Variants in ZNF362 observed in about 807,000 individuals in gnomAD.
The protein encoded by ZNF362 is zinc finger protein 362, also known as rotund homolog.
A neutral mutation model predicts 42.9 loss-of-function variants in ZNF362; 11 were observed. The observed-to-expected ratio is 0.26, with a 90% CI of 0.16 to 0.42. The LOEUF is 0.42. ZNF362 is among the 20% of genes least tolerant of loss of function. The pLI, the probability that ZNF362 is intolerant of heterozygous loss-of-function variation, is 1.00. For missense variants in ZNF362, 362 were observed against 576.2 expected (o/e 0.63, Z 3.81); for synonymous variants, 255 against 257.3 (o/e 0.99, Z 0.09).
chr1:33,227,204 A>G, the ZNF362 span, among the ~76,000 whole-genome samples: 2 of 152,188 alleles, frequency 1.3e-5, no homozygotes, highest in African/African-American at 4.8e-5. Context: ...ATATCTCAAT[A>G]AAACTGTTAC....
At chr1:33,167,603 A>G in the ZNF362 span, among the ~76,000 whole-genome samples, 4 of 152,286 alleles carry the variant, frequency 2.6e-5, no homozygotes, top group East Asian at 7.7e-4. The surrounding 1 kb of genome is among the most constrained non-coding windows in gnomAD (Gnocchi z 4.2). Context: ...ATGGGACTCA[A>G]TGACGCTTGC....
chr1:33,130,838 T>G, the ZNF362 span, among the ~76,000 whole-genome samples: 2 of 152,122 alleles, frequency 1.3e-5, no homozygotes, highest in Non-Finnish European at 2.9e-5. Context: ...AGAACCTGAA[T>G]TGTGCAGTGG....
the ZNF362 span, among the ~76,000 whole-genome samples, chr1:33,143,686 C>T: frequency 6.6e-6 from 1 of 152,238 alleles, no homozygotes; most frequent in Non-Finnish European, 1.5e-5. Flanking sequence ...TGCAGCCTAA[C>T]CTCCCTCATT....
chr1:33,188,547 C>G, the ZNF362 span, among the ~76,000 whole-genome samples: 1 of 152,202 alleles, frequency 6.6e-6, no homozygotes. Flanking sequence ...CACAGCACCT[C>G]CAGGGTGGTT....
At position 33,294,894 on chromosome 1, in the gene ZNF362, G is replaced by T. The variant is rs754979154; in HGVS notation, c.909-43G>T. 3.7e-6 allele frequency: 6 copies of T among 1,609,910 alleles called. No homozygotes were observed. The highest frequency in any genetic ancestry group is 3.3e-5 in the Admixed American group (2 of 59,976). The stretch of plus-strand genomic sequence containing the variant: ...ACTTGGGAACTGGAGCGGTCTTGGG[G>T]TGTGTGTCAGGGACTTCGACCTTAC... On this transcript the variant is annotated intron_variant, in intron 6 of 8. Coordinates refer to ENST00000539719, the MANE Select transcript of ZNF362 (RefSeq NM_152493.3). The surrounding 1 kb of genome is among the most constrained non-coding windows in gnomAD (Gnocchi z 4.2).
the ZNF362 span, among the ~76,000 whole-genome samples, chr1:33,136,601 C>G: frequency 6.6e-6 from 1 of 151,600 alleles, no homozygotes; most frequent in Admixed American, 6.6e-5. Flanking sequence ...AACTCCTGGC[C>G]TCAAGTGATC....
At chr1:33,271,931 C>T (rs138968356) in intron 2 of ZNF362, among the ~76,000 whole-genome samples, 88 of 152,262 alleles carry the variant, frequency 5.8e-4, no homozygotes, top group Admixed American at 3.3e-3. Context: ...GCCCAGGAGT[C>T]GGCCAAAGGG....
chr1:33,170,311 C>G, the ZNF362 span, among the ~76,000 whole-genome samples: 5 of 84,432 alleles, frequency 5.9e-5, no homozygotes, highest in Non-Finnish European at 9.4e-5. Flanking sequence ...GTGACACAGC[C>G]CAGTCTCTTT....
the ZNF362 span, among the ~76,000 whole-genome samples, chr1:33,156,368 A>G: frequency 6.6e-6 from 1 of 152,162 alleles, no homozygotes; most frequent in Non-Finnish European, 1.5e-5. Flanking sequence ...GCTCTCATCA[A>G]GGCCACCAAT....
At chr1:33,136,245 T>G in the ZNF362 span, among the ~76,000 whole-genome samples, 1 of 151,010 alleles carries the variant, frequency 6.6e-6, no homozygotes, top group Non-Finnish European at 1.5e-5. Flanking sequence ...TTCTTTTCCT[T>G]TCTCTCTTTC....
intron 8 of ZNF362, among the ~76,000 whole-genome samples, chr1:33,295,600 C>T (rs7527638): frequency 0.52 from 79,032 of 151,944 alleles, 21,707 homozygotes; most frequent in Admixed American, 0.64. Context: ...TCACCTGCTC[C>T]GCAGAGCTAC....
chr1:33,163,157 G>C, the ZNF362 span: 1 of 152,098 alleles, frequency 6.6e-6, no homozygotes, highest in South Asian at 2.1e-4. Context: ...TCCTGCCTCA[G>C]CCTCTTGAGT....
At chr1:33,187,534 G>C in the ZNF362 span, among the ~76,000 whole-genome samples, 12 of 152,256 alleles carry the variant, frequency 7.9e-5, no homozygotes, top group South Asian at 2.1e-3. Flanking sequence ...GCTGTAGTTG[G>C]TCCTAAAGTG....
the ZNF362 span, among the ~76,000 whole-genome samples, chr1:33,229,566 C>G: frequency 1.3e-5 from 2 of 152,050 alleles, no homozygotes; most frequent in Non-Finnish European, 2.9e-5. Context: ...ACCACCACAC[C>G]GGCTAGCTTT....
At chr1:33,250,478 A>C in the ZNF362 span, among the ~76,000 whole-genome samples, 65 of 152,336 alleles carry the variant, frequency 4.3e-4, no homozygotes, top group East Asian at 5.0e-3. Context: ...CAGCAAACTA[A>C]TGCAGGAACA....
chr1:33,204,239 C>T, the ZNF362 span, among the ~76,000 whole-genome samples: 1 of 152,058 alleles, frequency 6.6e-6, no homozygotes, highest in Non-Finnish European at 1.5e-5. Context: ...GTCTTTTCCC[C>T]ATTATGTCTT....
the ZNF362 span, among the ~76,000 whole-genome samples, chr1:33,173,227 C>G: frequency 6.6e-6 from 1 of 152,210 alleles, no homozygotes; most frequent in Non-Finnish European, 1.5e-5. Context: ...CAATCTCTGG[C>G]AACATCTGGC....
the ZNF362 span, among the ~76,000 whole-genome samples, chr1:33,128,423 C>A: frequency 7.2e-5 from 11 of 152,254 alleles, no homozygotes; most frequent in African/African-American, 2.6e-4. Context: ...AGAACAGCAC[C>A]TGACACATGG....
the ZNF362 span, chr1:33,146,034 C>G: frequency 2.6e-6 from 1 of 392,122 alleles, no homozygotes; most frequent in African/African-American, 2.1e-5. Context: ...GAGCCTAGTT[C>G]TGCAGTCAGC....
Sources: gnomAD v4.1 joint callset for allele counts (sites outside exome capture counted in the v4.1 genomes callset) on GRCh38, gnomAD v4.1.1 for gene constraint, Gnocchi (gnomAD v3.1) non-coding constraint, MANE v1.5 for transcripts, NCBI Gene and HGNC (gene_info 2026-07-23, HGNC 2026-07-21) for gene names.